PPFIA2: variants seen among roughly 807,000 people sequenced by gnomAD.
The protein encoded by PPFIA2 is liprin-alpha-2.
Under a neutral mutation model 175.5 loss-of-function variants are expected in PPFIA2, and 46 were observed. The ratio of observed to expected loss-of-function variants is 0.26; its 90% CI spans 0.21 to 0.34. The LOEUF is 0.34. PPFIA2 is among the 10% of genes least tolerant of loss of function. The probability of loss-of-function intolerance (pLI) is 1.00; values close to 1 mark genes in which losing one functional copy is unlikely to be tolerated. For synonymous variants in PPFIA2, 568 were observed against 511.4 expected, an observed-to-expected ratio of 1.11 and a Z score of -1.49; for missense variants, 1,179 against 1,506.1, an observed-to-expected ratio of 0.78 and a Z score of 3.60.
intron 21 of PPFIA2, among the ~76,000 whole-genome samples, chr12:81,332,920 T>G (rs2056418152): frequency 6.6e-6 from 1 of 152,176 alleles, no homozygotes; most frequent in South Asian, 2.1e-4. Context: ...GCTCTAGAAG[T>G]CTGTAATCTT....
At chr12:81,371,127 AT>A (rs2034970542) in intron 11 of PPFIA2, among the ~76,000 whole-genome samples, 1 of 151,836 alleles carries the variant, frequency 6.6e-6, no homozygotes, top group Admixed American at 6.6e-5. Flanking sequence ...TCCTTCTGAT[AT>A]TCTTATTTTA....
At chr12:81,274,372 A>G (rs1307580372) in intron 28 of PPFIA2, among the ~76,000 whole-genome samples, 1 of 152,186 alleles carries the variant, frequency 6.6e-6, no homozygotes, top group South Asian at 2.1e-4. Flanking sequence ...TGTGGTCGTG[A>G]TATTTCTGCA....
At chr12:81,316,427 A>G (rs559406063) in intron 22 of PPFIA2, among the ~76,000 whole-genome samples, 1 of 151,758 alleles carries the variant, frequency 6.6e-6, no homozygotes, top group Non-Finnish European at 1.5e-5. Flanking sequence ...AGCCATAATT[A>G]TTCTTGCTAT....
At chr12:81,588,382 G>A (rs1027509990) in intron 4 of PPFIA2, among the ~76,000 whole-genome samples, 2 of 151,938 alleles carry the variant, frequency 1.3e-5, no homozygotes, top group Non-Finnish European at 2.9e-5. Context: ...GTAAGTGAAT[G>A]TGTCCAGCCC....
chr12:81,419,744 G>A (rs1009075892), intron 7 of PPFIA2, among the ~76,000 whole-genome samples: 5 of 152,032 alleles, frequency 3.3e-5, no homozygotes, highest in Non-Finnish European at 4.4e-5. Context: ...GTATATACAT[G>A]ACTTCTGGAT....
chr12:81,437,681 A>C (rs183167117), intron 7 of PPFIA2, among the ~76,000 whole-genome samples: 7 of 152,322 alleles, frequency 4.6e-5, no homozygotes, highest in Non-Finnish European at 8.8e-5. Flanking sequence ...CTTATCAATA[A>C]AATATTTTGA....
intron 8 of PPFIA2, among the ~76,000 whole-genome samples, chr12:81,388,150 T>G (rs891094894): frequency 2.2e-4 from 34 of 152,284 alleles, no homozygotes; most frequent in Middle Eastern, 3.4e-3. Context: ...AAGAGACAAT[T>G]TAGTAACCAA....
intron 28 of PPFIA2, among the ~76,000 whole-genome samples, chr12:81,270,348 A>T (rs1004890596): frequency 2.6e-5 from 4 of 152,118 alleles, no homozygotes; most frequent in Non-Finnish European, 5.9e-5. Flanking sequence ...TTATGGGTTG[A>T]ATTGTGTTCC....
intron 3 of PPFIA2, among the ~76,000 whole-genome samples, chr12:81,715,709 G>A (rs2078519150): frequency 1.3e-5 from 2 of 151,584 alleles, no homozygotes; most frequent in South Asian, 4.1e-4. Context: ...ACTTTGTCAA[G>A]GAAATCTATA....
intron 4 of PPFIA2, among the ~76,000 whole-genome samples, chr12:81,589,626 A>G (rs1247714194): frequency 6.6e-6 from 1 of 152,122 alleles, no homozygotes; most frequent in African/African-American, 2.4e-5. Context: ...TTGTTGCTGC[A>G]TGTAATAATT....
At chr12:81,560,213 TA>T (rs1356176571) in intron 4 of PPFIA2, among the ~76,000 whole-genome samples, 2 of 151,840 alleles carry the variant, frequency 1.3e-5, no homozygotes, top group East Asian at 1.9e-4. Context: ...GGCATGTCTT[TA>T]AAAAAACAGA....
At chr12:81,699,807 A>G (rs2076297406) in intron 3 of PPFIA2, among the ~76,000 whole-genome samples, 1 of 152,070 alleles carries the variant, frequency 6.6e-6, no homozygotes, top group African/African-American at 2.4e-5. Context: ...TAGTCCATGT[A>G]GAACTAAAAG....
chr12:81,628,636 C>A (rs1443769312), intron 4 of PPFIA2, among the ~76,000 whole-genome samples: 2 of 152,180 alleles, frequency 1.3e-5, no homozygotes, highest in Non-Finnish European at 2.9e-5. Context: ...GTCTTGGCCT[C>A]CCAAAGTGCT....
At chr12:81,295,117 G>A in intron 23 of PPFIA2, 82 bp from the exon 24 acceptor site, 2 of 1,313,526 alleles carry the variant, frequency 1.5e-6, no homozygotes, top group Non-Finnish European at 2.1e-6. Context: ...ATTATTTTAT[G>A]TATCTTACAT....
intron 28 of PPFIA2, among the ~76,000 whole-genome samples, chr12:81,268,672 T>A (rs999168325): frequency 2.0e-5 from 3 of 152,254 alleles, no homozygotes; most frequent in Admixed American, 6.5e-5. Context: ...TGTCTGTGTT[T>A]CTTGTTTTCA....
intron 3 of PPFIA2, among the ~76,000 whole-genome samples, chr12:81,688,097 C>T (rs1190243676): frequency 6.6e-6 from 1 of 151,816 alleles, no homozygotes; most frequent in Non-Finnish European, 1.5e-5. Context: ...ATTTCTATGG[C>T]TTTGGTTATT....
At chr12:81,358,800 G>A (rs1454518000) in intron 15 of PPFIA2, among the ~76,000 whole-genome samples, 1 of 151,974 alleles carries the variant, frequency 6.6e-6, no homozygotes, top group Non-Finnish European at 1.5e-5. Context: ...TTTTATAAAA[G>A]AAAATAGGAT....
intron 3 of PPFIA2, among the ~76,000 whole-genome samples, chr12:81,685,362 C>A (rs1340094763): frequency 6.6e-6 from 1 of 151,956 alleles, no homozygotes; most frequent in Non-Finnish European, 1.5e-5. Context: ...AACATACAGA[C>A]CAATTTTATA....
chr12:81,613,580 T>G (rs938318770), intron 4 of PPFIA2, among the ~76,000 whole-genome samples: 7 of 152,172 alleles, frequency 4.6e-5, no homozygotes, highest in African/African-American at 1.4e-4. Context: ...GCAGTAATCA[T>G]TAAATCAAGA....
Sources: allele counts gnomAD v4.1 joint callset (sites outside exome capture counted in the v4.1 genomes callset), GRCh38; gene constraint gnomAD v4.1.1; transcripts MANE v1.5; gene names NCBI Gene and HGNC (gene_info 2026-07-23, HGNC 2026-07-21).